The following ZNF518A variants were observed in gnomAD, a reference collection of about 807,000 sequenced individuals.
ZNF518A encodes the protein zinc finger protein 518.
A neutral mutation model predicts 102.7 loss-of-function variants in ZNF518A; 47 were observed. The observed-to-expected ratio is 0.46, with a 90% CI of 0.36 to 0.58. The LOEUF (loss-of-function observed/expected upper bound fraction) is 0.58, where lower values mean the gene tolerates loss of function less well. ZNF518A is among the 20% of genes least tolerant of loss of function. The pLI is 0.00. For synonymous variants in ZNF518A, 652 were observed against 594.6 expected, an observed-to-expected ratio of 1.10 and a Z score of -1.40; for missense variants, 1,793 against 1,699.8, an observed-to-expected ratio of 1.05 and a Z score of -0.96.
chr10:96,187,985 ATT>A (rs781801164), intron 1 of ZNF518A, among the ~76,000 whole-genome samples: 1 of 152,206 alleles, frequency 6.6e-6, no homozygotes, highest in Non-Finnish European at 1.5e-5. Context: ...AGTAGCTGAA[ATT>A]ACAGGCGAGT....
In ZNF518A at chr10:96,157,410, A is replaced by G. The variant is rs1554883428; in HGVS notation, c.1088A>G (p.His363Arg). 1.2e-6 allele frequency: 2 copies of G among 1,613,132 alleles called. No individual in the cohort carries two copies. The highest frequency in any genetic ancestry group is 1.6e-4 in the Middle Eastern group (1 of 6,062). The change falls in exon 6 of 6, where the codon CAT (histidine) becomes CGT (arginine). Residue 363 changes from histidine (H) to arginine (R), a missense_variant. This residue lies in a region of ZNF518A where 1,741 missense variants were observed against 1,622.6 expected (regional missense o/e 1.07). Transcript: ENST00000316045. ...KTQTKSEDQS[H>R]VVQEHLSEEK... ...CAGACTAAATCTGAAGACCAGAGCC[A>G]TGTTGTTCAAGAGCATTTAAGTGAA... is the stretch of plus-strand genomic sequence containing the variant.
Position 96,159,680 on chromosome 10 carries a change from C to G in ZNF518A, c.3358C>G (p.Pro1120Ala), listed in dbSNP as rs1249433874. 4.3e-6 allele frequency: 7 copies of G among 1,613,190 alleles called. No individual in the cohort carries two copies. The African/African-American group carries it at 8.0e-5, about 18-fold the overall frequency. The change falls in exon 6 of 6, where the codon CCC becomes GCC. Residue 1120 changes from proline (P) to alanine (A), a missense_variant. Transcript: ENST00000316045. ...GCCAAATAAAACTGAGCTGCTTAAGCCCAAATTAGTCCAAAATAGTACTTA... is the reference window on the plus strand; with the variant it reads ...GCCAAATAAAACTGAGCTGCTTAAGGCCAAATTAGTCCAAAATAGTACTTA... The part of the protein sequence containing the change: ...VMPNKTELLK[P>A]KLVQNSTYQN...
downstream of ZNF518A, among the ~76,000 whole-genome samples, chr10:96,164,894 C>T (rs1219312540): frequency 6.6e-6 from 1 of 152,146 alleles, no homozygotes; most frequent in Non-Finnish European, 1.5e-5. Context: ...TCATGAAATA[C>T]ATCTTTCAAT....
chr10:96,144,785 A>G (rs1292700924), intron 3 of ZNF518A, among the ~76,000 whole-genome samples: 2 of 152,306 alleles, frequency 1.3e-5, no homozygotes, highest in Non-Finnish European at 2.9e-5. Flanking sequence ...AATCCTCTGT[A>G]ATACCACTAC....
chr10:96,155,244 T>C (rs182651078), intron 3 of ZNF518A, 82 bp from the exon 4 acceptor site: 5 of 152,196 alleles, frequency 3.3e-5, no homozygotes, highest in Non-Finnish European at 5.9e-5. Context: ...AGGATATTTT[T>C]ACATATATTT....
At chr10:96,194,395 T>C (rs2083405952) in intron 1 of ZNF518A, among the ~76,000 whole-genome samples, 1 of 152,152 alleles carries the variant, frequency 6.6e-6, no homozygotes, top group South Asian at 2.1e-4. Context: ...AATATAAAAA[T>C]TCTAGAAGAA....
intron 1 of ZNF518A, among the ~76,000 whole-genome samples, chr10:96,193,666 A>G (rs1239402821): frequency 6.6e-6 from 1 of 152,246 alleles, no homozygotes; most frequent in Non-Finnish European, 1.5e-5. Context: ...AGATACATTC[A>G]GTGTATTTGT....
chr10:96,160,451 G>A lies in ZNF518A; in HGVS notation c.4129G>A (p.Val1377Ile). ...TAAATTTAATGGACATGTACTTAAG[G>A]TTTCATTGTCAAAAAGAACTATAAA... ...IAKFNGHVLK[V>I]SLSKRTINAL... Residue 1377 changes from valine to isoleucine, a missense_variant, in exon 6 of 6, where the codon GTT becomes ATT. By Grantham distance (29) the Val-to-Ile change is conservative. Around this residue, in one of 3 missense-constraint regions of ZNF518A, gnomAD observed 1,741 missense variants for 1,622.6 expected, o/e 1.07. Coordinates refer to ENST00000316045, the MANE Select transcript of ZNF518A (RefSeq NM_001330736.2). 6.2e-7 allele frequency: 1 copy of A among 1,613,342 alleles called. No individual in the cohort carries two copies. Among genetic ancestry groups the A allele is most frequent in the Non-Finnish European group, 8.5e-7 (1 of 1,179,566 alleles).
At position 96,159,120 on chromosome 10, in the gene ZNF518A, A is replaced by G. The variant is rs2082863783; in HGVS notation, c.2798A>G (p.Gln933Arg). Residue 933 changes from glutamine to arginine, a missense_variant, in exon 6 of 6, where the codon CAG becomes CGG. Gln to Arg is a conservative substitution (Grantham distance 43). Around this residue, in one of 3 missense-constraint regions of ZNF518A, gnomAD observed 1,741 missense variants for 1,622.6 expected, o/e 1.07. Transcript: ENST00000316045. ...GAACAAAAAAAAACTATAATTGTTC[A>G]GACTTCAAAAGGATTCTTAATACCA... is the stretch of plus-strand genomic sequence containing the variant. The part of the protein sequence containing the change: ...NSEQKKTIIV[Q>R]TSKGFLIPLN... 7 of 1,611,534 alleles carry G rather than the reference A, an allele frequency of 4.3e-6. No homozygotes were observed. The African/African-American group carries it at 6.7e-5, about 15-fold the overall frequency.
chr10:96,164,713 A>G (rs1336191307), downstream of ZNF518A, among the ~76,000 whole-genome samples: 1 of 152,232 alleles, frequency 6.6e-6, no homozygotes, highest in Non-Finnish European at 1.5e-5. Context: ...TAGTGTGGAA[A>G]AAATATAATG....
chr10:96,160,114 A>G lies in ZNF518A; in HGVS notation c.3792A>G (p.Lys1264=). 2 of 1,611,302 alleles carry G rather than the reference A, an allele frequency of 1.2e-6. No individual in the cohort carries two copies. The highest frequency in any genetic ancestry group is 1.7e-6 in the Non-Finnish European group (2 of 1,179,118). ...IFSKTKTHGS[K]DSETAFVSRN... ...CAAAAACAAAAACTCATGGAAGTAA[A>G]GACTCTGAAACTGCCTTTGTATCTA... The change falls in exon 6 of 6, where the codon AAA becomes AAG. Residue 1264 remains lysine, a synonymous_variant. Coordinates refer to ENST00000316045, the MANE Select transcript of ZNF518A (RefSeq NM_001330736.2).
Position 96,160,521 on chromosome 10 carries a change from A to G in ZNF518A, c.4199A>G (p.Tyr1400Cys), listed in dbSNP as rs782170476. The G allele has an allele frequency of 1.2e-6, 2 of 1,612,404 alleles. No homozygotes were observed. Among genetic ancestry groups the G allele is most frequent in the East Asian group, 2.2e-5 (1 of 44,842 alleles). ...TGTTATAACCCTCCTAAAACAACTTATGATGATTTTTCCAAGAGGCACAAA... is the reference window on the plus strand; with the variant it reads ...TGTTATAACCCTCCTAAAACAACTTGTGATGATTTTTCCAAGAGGCACAAA... ...PVCYNPPKTT[Y>C]DDFSKRHKTF... Residue 1400 changes from tyrosine to cysteine, a missense_variant, in exon 6 of 6, where the codon TAT becomes TGT. Tyr to Cys is a radical substitution (Grantham distance 194, BLOSUM62 -2). This residue lies in a region of ZNF518A where 1,741 missense variants were observed against 1,622.6 expected (regional missense o/e 1.07). Coordinates refer to ENST00000316045, the MANE Select transcript of ZNF518A (RefSeq NM_001330736.2).
chr10:96,182,537 A>G (rs2083246265), intron 1 of ZNF518A, among the ~76,000 whole-genome samples: 1 of 152,190 alleles, frequency 6.6e-6, no homozygotes, highest in Admixed American at 6.5e-5. Flanking sequence ...AGTTTTTAGC[A>G]TGAAGGCTGT....
intron 1 of ZNF518A, among the ~76,000 whole-genome samples, chr10:96,131,578 A>G (rs1461258535): frequency 3.3e-5 from 5 of 152,232 alleles, no homozygotes; most frequent in African/African-American, 1.2e-4. Flanking sequence ...AATTGCCAAC[A>G]AAAGGGGAGA....
At chr10:96,140,094 G>A (rs1361081779) in intron 3 of ZNF518A, among the ~76,000 whole-genome samples, 4 of 152,132 alleles carry the variant, frequency 2.6e-5, no homozygotes, top group African/African-American at 7.2e-5. Flanking sequence ...CCGACCTCAG[G>A]TGATCCACCT....
At chr10:96,164,885 C>T (rs1591267402), downstream of ZNF518A, among the ~76,000 whole-genome samples, 1 of 152,182 alleles carries the variant, frequency 6.6e-6, no homozygotes, top group African/African-American at 2.4e-5. Context: ...TGTGGCAACT[C>T]ATGAAATACA....
chr10:96,134,561 A>G (rs782344825), intron 3 of ZNF518A, among the ~76,000 whole-genome samples: 25 of 152,202 alleles, frequency 1.6e-4, no homozygotes, highest in South Asian at 2.1e-4. Context: ...GTTAAGGAAT[A>G]TTCAGTTTGT....
intron 3 of ZNF518A, among the ~76,000 whole-genome samples, chr10:96,150,227 G>T (rs1402857411): frequency 6.6e-6 from 1 of 151,420 alleles, no homozygotes. Flanking sequence ...CCAGCTATTC[G>T]GGAGGCTGAG....
intron 1 of ZNF518A, among the ~76,000 whole-genome samples, chr10:96,184,208 A>G (rs1467141065): frequency 6.6e-6 from 1 of 152,074 alleles, no homozygotes; most frequent in Non-Finnish European, 1.5e-5. Context: ...TGCACGTGAG[A>G]TGGGTCTCCT....
Sources: gnomAD v4.1 joint callset for allele counts (sites outside exome capture counted in the v4.1 genomes callset) on GRCh38, gnomAD v4.1.1 for gene constraint, gnomAD v4.1.1 regional missense constraint, MANE v1.5 for transcripts, NCBI Gene and HGNC (gene_info 2026-07-23, HGNC 2026-07-21) for gene names.